The following RBFOX1 variants were observed in gnomAD, a reference collection of about 807,000 sequenced individuals.
RBFOX1 encodes RNA binding protein fox-1 homolog 1.
A neutral mutation model predicts 57.7 loss-of-function variants in RBFOX1; 8 were observed. That is an observed-to-expected ratio of 0.14 (90% CI 0.08 to 0.25). The LOEUF is 0.25. Ranked by LOEUF, RBFOX1 falls within the 10% of genes least tolerant of loss-of-function variation. The probability of loss-of-function intolerance (pLI) is 1.00; values close to 1 mark genes in which losing one functional copy is unlikely to be tolerated. For synonymous variants in RBFOX1, 326 were observed against 222.4 expected (o/e 1.47, Z -4.15); for missense variants, 611 against 548.5 (o/e 1.11, Z -1.14).
chr16:6,356,154 A>G (rs1423337786), intron 2 of RBFOX1, among the ~76,000 whole-genome samples: 4 of 152,232 alleles, frequency 2.6e-5, no homozygotes, highest in Admixed American at 6.5e-5. Context: ...CACAGCCTTC[A>G]TCCTTGAAGA....
intron 1 of RBFOX1, among the ~76,000 whole-genome samples, chr16:5,433,134 C>G (rs2067805016): frequency 6.6e-6 from 1 of 152,192 alleles, no homozygotes; most frequent in Admixed American, 6.5e-5. Context: ...CACTGTTTCT[C>G]AGCTTCCCAA....
Position 6,857,462 on chromosome 16 carries a change from G to A in RBFOX1, c.-15-194595G>A, listed in dbSNP as rs149967587. ...AGTTAAGCCATTTTTCTATTTACATGGTTTATTTCACAAGGGTCTGACTCA... is the reference window on the plus strand; with the variant it reads ...AGTTAAGCCATTTTTCTATTTACATAGTTTATTTCACAAGGGTCTGACTCA... On this transcript the variant is annotated intron_variant, in intron 3 of 15. Coordinates refer to ENST00000550418, the MANE Select transcript of RBFOX1 (RefSeq NM_018723.4). Among the ~76,000 whole-genome samples, 604 of 152,174 alleles carry A rather than the reference G, an allele frequency of 4.0e-3. 4 individuals carry two copies. Among genetic ancestry groups the A allele is most frequent in the Middle Eastern group, 0.01 (3 of 294 alleles).
chr16:6,377,480 A>G (rs2091323200), intron 2 of RBFOX1, among the ~76,000 whole-genome samples: 1 of 152,132 alleles, frequency 6.6e-6, no homozygotes, highest in African/African-American at 2.4e-5. Flanking sequence ...TATTGAATGC[A>G]TGAATGAATG....
chr16:6,494,650 GT>G (rs2095715413), intron 2 of RBFOX1, among the ~76,000 whole-genome samples: 1 of 152,222 alleles, frequency 6.6e-6, no homozygotes, highest in African/African-American at 2.4e-5. Flanking sequence ...TTGTGGACAG[GT>G]TTTTGCGTGA....
intron 1 of RBFOX1, among the ~76,000 whole-genome samples, chr16:6,104,773 ACC>A (rs2096357969): frequency 6.6e-6 from 1 of 152,228 alleles, no homozygotes; most frequent in Non-Finnish European, 1.5e-5. Context: ...TAGAAGCTAC[ACC>A]ACATAGATGA....
At chr16:5,909,454 G>C (rs560483182) in intron 4 of RBFOX1, among the ~76,000 whole-genome samples, 1 of 152,154 alleles carries the variant, frequency 6.6e-6, no homozygotes, top group Non-Finnish European at 1.5e-5. Context: ...ATAGATAAAA[G>C]GAGAGATGGT....
In RBFOX1 at chr16:5,802,985, C is replaced by T. The variant is rs755957006; in HGVS notation, c.319-64318C>T. ...ATGTATGGACACAGCCCCTTGAGTT[C>T]TGAGAATTCATAGTTTAGAGAAGGA... On this transcript the variant is annotated intron_variant, in intron 3 of 19. Transcript: ENST00000641259. Among the ~76,000 whole-genome samples the T allele has an allele frequency of 2.6e-5, 4 of 152,140 alleles. No individual in the cohort carries two copies. The East Asian group carries it at 7.7e-4, about 29-fold the overall frequency.
intron 1 of RBFOX1, among the ~76,000 whole-genome samples, chr16:6,238,317 G>T (rs1364606442): frequency 6.6e-6 from 1 of 152,024 alleles, no homozygotes; most frequent in African/African-American, 2.4e-5. Context: ...TCCCTCTTCA[G>T]GTTTGCCCTT....
intron 3 of RBFOX1, among the ~76,000 whole-genome samples, chr16:5,676,349 T>C (rs1184381837): frequency 6.6e-6 from 1 of 152,178 alleles, no homozygotes; most frequent in African/African-American, 2.4e-5. Flanking sequence ...AAGGTAACTT[T>C]TATGAAACAT....
At chr16:6,915,550 CTTTTTT>C (rs141753685) in intron 3 of RBFOX1, among the ~76,000 whole-genome samples, 2 of 123,528 alleles carry the variant, frequency 1.6e-5, no homozygotes. Flanking sequence ...CCACACCCCC[CTTTTTT>C]TTTTTTTTTT....
At chr16:6,464,868 A>G (rs923391926) in intron 2 of RBFOX1, among the ~76,000 whole-genome samples, 4 of 152,262 alleles carry the variant, frequency 2.6e-5, no homozygotes, top group African/African-American at 9.6e-5. Flanking sequence ...AGGTAGTACT[A>G]TACAGCAGTA....
intron 2 of RBFOX1, among the ~76,000 whole-genome samples, chr16:6,585,874 G>T (rs181626394): frequency 2.0e-5 from 3 of 152,256 alleles, no homozygotes; most frequent in Non-Finnish European, 4.4e-5. Context: ...AAATAGGTAT[G>T]CATGAGTATT....
chr16:7,226,533 G>A (rs150212902), intron 4 of RBFOX1, among the ~76,000 whole-genome samples: 58 of 152,296 alleles, frequency 3.8e-4, no homozygotes, highest in East Asian at 1.2e-3. Context: ...TGGGTCTGCC[G>A]TAACAAATTC....
chr16:7,620,264 G>A (rs906574592), intron 10 of RBFOX1, among the ~76,000 whole-genome samples: 1 of 152,032 alleles, frequency 6.6e-6, no homozygotes, highest in Non-Finnish European at 1.5e-5. Context: ...AGCAATATTC[G>A]ATCAAGTACA....
chr16:5,695,969 T>C (rs1310757780), intron 3 of RBFOX1, among the ~76,000 whole-genome samples: 1 of 152,156 alleles, frequency 6.6e-6, no homozygotes, highest in African/African-American at 2.4e-5. Context: ...CCAATCAACC[T>C]TCTAGATTTA....
intron 1 of RBFOX1, among the ~76,000 whole-genome samples, chr16:6,244,548 G>A (rs1245758530): frequency 6.6e-6 from 1 of 152,174 alleles, no homozygotes; most frequent in Admixed American, 6.5e-5. Context: ...CTGTAGCCCA[G>A]GCTGGAGTGC....
chr16:5,720,221 T>A (rs1009539996), intron 3 of RBFOX1, among the ~76,000 whole-genome samples: 1 of 152,190 alleles, frequency 6.6e-6, no homozygotes, highest in Non-Finnish European at 1.5e-5. Flanking sequence ...TAGTAGGTCT[T>A]TTTTGGAGAC....
intron 3 of RBFOX1, among the ~76,000 whole-genome samples, chr16:6,802,891 G>C (rs1274407107): frequency 6.6e-6 from 1 of 152,166 alleles, no homozygotes; most frequent in African/African-American, 2.4e-5. Context: ...TAGTGGAATT[G>C]TGCAAAGAAG....
chr16:7,363,750 ATTC>A (rs2097376666), intron 4 of RBFOX1, among the ~76,000 whole-genome samples: 1 of 152,062 alleles, frequency 6.6e-6, no homozygotes. Flanking sequence ...GCATTTAATG[ATTC>A]TTCTATAGAC....
Sources: allele counts gnomAD v4.1 joint callset (sites outside exome capture counted in the v4.1 genomes callset), GRCh38; gene constraint gnomAD v4.1.1; transcripts MANE v1.5; gene names NCBI Gene and HGNC (gene_info 2026-07-23, HGNC 2026-07-21).